The following CCDC146 variants were observed in gnomAD, a reference collection of about 807,000 sequenced individuals.
CCDC146 encodes coiled-coil domain-containing protein 146.
In CCDC146, 92 loss-of-function variants were observed where a neutral mutation model predicts 119.3. That is an observed-to-expected ratio of 0.77 (90% CI 0.65 to 0.92). The LOEUF (loss-of-function observed/expected upper bound fraction) is 0.92, where lower values mean the gene tolerates loss of function less well. CCDC146 is among the 40% of genes least tolerant of loss of function. CCDC146 has a pLI of 0.00. For synonymous variants in CCDC146, 372 were observed against 371.8 expected (o/e 1.00, Z -0.01); for missense variants, 1,000 against 1,103.0 (o/e 0.91, Z 1.32).
At chr7:77,276,589 A>G (rs974620116) in intron 11 of CCDC146, among the ~76,000 whole-genome samples, 3 of 152,216 alleles carry the variant, frequency 2.0e-5, no homozygotes, top group Non-Finnish European at 1.5e-5. Context: ...CACTTAATCC[A>G]TGTTAAACAA....
intron 2 of CCDC146, among the ~76,000 whole-genome samples, chr7:77,205,214 G>A (rs1313392387): frequency 3.3e-5 from 5 of 152,044 alleles, no homozygotes; most frequent in South Asian, 2.1e-4. Flanking sequence ...AAGTCATTGC[G>A]AATACTGAAT....
intron 2 of CCDC146, among the ~76,000 whole-genome samples, chr7:77,206,631 T>C (rs1020662657): frequency 6.9e-6 from 1 of 144,376 alleles, no homozygotes; most frequent in African/African-American, 2.6e-5. Flanking sequence ...AAACTCTGTC[T>C]CCAAAAAAGA....
At chr7:77,153,821 T>C (rs2117450595) in intron 1 of CCDC146, among the ~76,000 whole-genome samples, 1 of 151,892 alleles carries the variant, frequency 6.6e-6, no homozygotes, top group South Asian at 2.1e-4. Context: ...TGGAAGGGAA[T>C]TGAAAAATCA....
At chr7:77,165,885 C>A (rs1254655092) in intron 1 of CCDC146, among the ~76,000 whole-genome samples, 1 of 151,988 alleles carries the variant, frequency 6.6e-6, no homozygotes, top group Admixed American at 6.6e-5. Flanking sequence ...TTAAAATCTC[C>A]AGTTTTGAAA....
In CCDC146 at chr7:77,196,220, G is replaced by T; in HGVS notation, c.156+28396G>T. On this transcript the variant is annotated intron_variant, in intron 2 of 18. Transcript: ENST00000285871. The surrounding 1 kb of genome is among the most constrained non-coding windows in gnomAD (Gnocchi z 4.2). ...TATGAAACAAGGCATATTCTAAAGT[G>T]CTGAAGGAATTAATTGCCCTATTAG... is the stretch of plus-strand genomic sequence containing the variant. 1 of 1,248,618 alleles carries T rather than the reference G, an allele frequency of 8.0e-7. No homozygotes were observed. Among genetic ancestry groups the T allele is most frequent in the Non-Finnish European group, 1.1e-6 (1 of 885,536 alleles). 77.3% of individuals were successfully genotyped at this position (1,248,618 alleles called of 1,614,324 possible). A position where few individuals can be genotyped will look rare whatever the true frequency, so the allele number is the denominator to read the frequency against.
intron 17 of CCDC146, 84 bp from the exon 18 acceptor site, chr7:77,292,868 G>C: frequency 7.0e-7 from 1 of 1,433,178 alleles, no homozygotes; most frequent in Non-Finnish European, 9.4e-7. Flanking sequence ...AATGCACCCC[G>C]CCATTATAGA....
intron 2 of CCDC146, among the ~76,000 whole-genome samples, chr7:77,234,950 A>G (rs1042903183): frequency 1.3e-5 from 2 of 152,170 alleles, no homozygotes; most frequent in African/African-American, 4.8e-5. Context: ...ACACTTTCAC[A>G]AAGAAGAAAT....
chr7:77,146,546 A>G (rs1043631358), intron 1 of CCDC146, among the ~76,000 whole-genome samples: 4 of 152,144 alleles, frequency 2.6e-5, no homozygotes, highest in African/African-American at 7.2e-5. Context: ...AGTGGCTCAT[A>G]CCAGTTGTTC....
intron 2 of CCDC146, among the ~76,000 whole-genome samples, chr7:77,169,589 C>T (rs1791387035): frequency 6.6e-6 from 1 of 152,146 alleles, no homozygotes; most frequent in Admixed American, 6.5e-5. Context: ...TCTCTTCTTT[C>T]CTTATTTATT....
chr7:77,232,844 A>G (rs1792657243), intron 2 of CCDC146, among the ~76,000 whole-genome samples: 1 of 152,210 alleles, frequency 6.6e-6, no homozygotes, highest in Non-Finnish European at 1.5e-5. Flanking sequence ...CCTCAGCAAT[A>G]GGAAAGTGGG....
At chr7:77,262,419 CAG>C (rs1344944118) in intron 9 of CCDC146, 112 bp downstream of exon 9, 3 of 779,182 alleles carry the variant, frequency 3.9e-6, no homozygotes, top group Non-Finnish European at 5.9e-6. Flanking sequence ...ATACAAGTAA[CAG>C]AGAAAAGGTA....
chr7:77,214,043 T>C (rs978187770), intron 2 of CCDC146, among the ~76,000 whole-genome samples: 1 of 152,216 alleles, frequency 6.6e-6, no homozygotes, highest in African/African-American at 2.4e-5. Context: ...ATTTCCATGC[T>C]GTTTTCCACA....
At chr7:77,270,271 A>G (rs1343487493) in intron 9 of CCDC146, among the ~76,000 whole-genome samples, 1 of 152,164 alleles carries the variant, frequency 6.6e-6, no homozygotes, top group Admixed American at 6.5e-5. Context: ...AAAACTATTA[A>G]TAGTGACTCC....
At position 77,240,998 on chromosome 7, in the gene CCDC146, GT is replaced by G. The variant is rs796824859; in HGVS notation, c.240-686del. 3.4e-5 allele frequency among the ~76,000 whole-genome samples: 4 copies of G among 119,248 alleles called. No individual in the cohort carries two copies. In the East Asian group the frequency reaches 1.2e-3, roughly 36 times the overall value. The allele number at this position is 119,248 out of a possible 152,430, so 78.2% of individuals were successfully genotyped here. ...TTTTTTTTTGTTTGTTTGTTTGTTT[GT>G]TTTTTTGGGTTTTTTTTTTTTGAGA... On this transcript the variant is annotated intron_variant, in intron 3 of 18. Transcript: ENST00000285871.
At chr7:77,151,433 A>G (rs3095456) in intron 1 of CCDC146, among the ~76,000 whole-genome samples, 72,534 of 151,182 alleles carry the variant, frequency 0.48, 18,190 homozygotes, top group African/African-American at 0.6. Flanking sequence ...AAAGGGGCAC[A>G]AAGAAATTTT....
In CCDC146 at chr7:77,295,031, A is replaced by G. The variant is rs1794018799; in HGVS notation, c.*165A>G. The G allele has an allele frequency of 1.6e-6, 1 of 607,568 alleles. No individual in the cohort carries two copies. The highest frequency in any genetic ancestry group is 2.9e-6 in the Non-Finnish European group (1 of 345,344). The allele number at this position is 607,568 out of a possible 1,614,324, so 37.6% of individuals were successfully genotyped here. A position where few individuals can be genotyped will look rare whatever the true frequency, so the allele number is the denominator to read the frequency against. ...CAGGGTTTCTATTTACCCACCAACT[A>G]CTATACCTTTCATGACGTTGAATGG... On this transcript the variant is annotated 3_prime_UTR_variant, in exon 19 of 19. Transcript: ENST00000285871.
chr7:77,281,949 A>T (rs2150548428), intron 14 of CCDC146, among the ~76,000 whole-genome samples: 1 of 152,336 alleles, frequency 6.6e-6, no homozygotes, highest in South Asian at 2.1e-4. Flanking sequence ...ATGATCGGTC[A>T]TGCAGACCAG....
At chr7:77,258,466 C>A (rs7810137) in intron 6 of CCDC146, among the ~76,000 whole-genome samples, 14,497 of 152,180 alleles carry the variant, frequency 0.095, 2,289 homozygotes, top group African/African-American at 0.33. Flanking sequence ...CCCATGCAAC[C>A]ATTCCGTTTT....
intron 1 of CCDC146, among the ~76,000 whole-genome samples, chr7:77,153,000 C>T (rs553443156): frequency 3.3e-5 from 5 of 152,282 alleles, no homozygotes; most frequent in African/African-American, 7.2e-5. Flanking sequence ...CTTTGCCCAA[C>T]GTCACCCAGG....
Sources: gnomAD v4.1 joint callset for allele counts (sites outside exome capture counted in the v4.1 genomes callset) on GRCh38, gnomAD v4.1.1 for gene constraint, Gnocchi (gnomAD v3.1) non-coding constraint, MANE v1.5 for transcripts, NCBI Gene and HGNC (gene_info 2026-07-23, HGNC 2026-07-21) for gene names.